Variants in PC observed in about 807,000 individuals in gnomAD.
The protein encoded by PC is pyruvate carboxylase, also known as pyruvate carboxylase, mitochondrial.
PC carries 46 observed loss-of-function variants against 107.8 expected under a neutral mutation model. The ratio of observed to expected loss-of-function variants is 0.43; its 90% CI spans 0.34 to 0.55. PC has a LOEUF of 0.55. Among genes scored for constraint, PC ranks in the 20% least tolerant of loss-of-function variants. PC has a pLI of 0.04. For synonymous variants in PC, 662 were observed against 684.7 expected, an observed-to-expected ratio of 0.97 and a Z score of 0.52; for missense variants, 1,241 against 1,643.1, an observed-to-expected ratio of 0.76 and a Z score of 4.23.
intron 3 of PC, among the ~76,000 whole-genome samples, chr11:66,908,380 C>T (rs1219107238): frequency 1.3e-5 from 2 of 152,194 alleles, no homozygotes; most frequent in Admixed American, 1.3e-4. Flanking sequence ...CTCACCAGGG[C>T]ACATGTTACC....
chr11:66,933,722 T>A (rs1320457264), intron 3 of PC, among the ~76,000 whole-genome samples: 2 of 152,040 alleles, frequency 1.3e-5, no homozygotes, highest in Non-Finnish European at 2.9e-5. Flanking sequence ...TCCACTTGCA[T>A]CATTCCGGAA....
chr11:66,861,932 G>T lies in PC; in HGVS notation c.1368+1842C>A, dbSNP rs564860751. ...ACCTCTAGCTGCACCCCTAGCAGGC[G>T]CAAGGTTCTAGGGCCCAGGGACCAG... On this transcript the variant is annotated intron_variant, in intron 12 of 22. Coordinates refer to ENST00000393960, the MANE Select transcript of PC (RefSeq NM_001040716.2). Among the ~76,000 whole-genome samples the T allele has an allele frequency of 2.0e-5, 3 of 152,150 alleles. No individual in the cohort carries two copies. The South Asian group carries it at 6.2e-4, about 31-fold the overall frequency.
rs1384720264 is a variant in PC, at chr11:66,853,089, C to G, written c.1513+150G>C. 8 of 858,396 alleles carry G rather than the reference C, an allele frequency of 9.3e-6. No homozygotes were observed. The Admixed American group carries it at 1.4e-4, about 15-fold the overall frequency. The allele number at this position is 858,396 out of a possible 1,614,324, so 53.2% of individuals were successfully genotyped here. A position where few individuals can be genotyped will look rare whatever the true frequency, so the allele number is the denominator to read the frequency against. On this transcript the variant is annotated intron_variant, in intron 13 of 22. Transcript: ENST00000393960. The stretch of plus-strand genomic sequence containing the variant: ...GAGCAGTGAATGGCAGGGTGCAGGA[C>G]AAGAGGACGCAGGGCCAGAATGAGG...
chr11:66,849,167 G>A lies in PC; in HGVS notation c.3289-20C>T, dbSNP rs756309608. 7.4e-5 allele frequency: 119 copies of A among 1,613,658 alleles called. No homozygotes were observed. The highest frequency in any genetic ancestry group is 1.6e-4 in the Middle Eastern group (1 of 6,084). Reference sequence around the variant, plus strand: ...CATCTCCTGAAGACACAGGGCAGAGGGGACATGACATCCTGGGCCCAGCCA... The same window carrying A: ...CATCTCCTGAAGACACAGGGCAGAGAGGACATGACATCCTGGGCCCAGCCA... On this transcript the variant is annotated intron_variant, in intron 22 of 22. Transcript: ENST00000393960.
intron 3 of PC, among the ~76,000 whole-genome samples, chr11:66,931,384 G>GAAAAAAAAAAAAAAAAAAAAA (rs60081578): frequency 1.2e-5 from 1 of 84,946 alleles, no homozygotes; most frequent in Non-Finnish European, 2.3e-5. Flanking sequence ...TCCATCTCAA[G>GAAAAAAAAAAAAAAAAAAAAA]AAAAAAAAAA....
Position 66,858,879 on chromosome 11 carries a change from G to A in PC, c.1368+4895C>T. 1 of 1,550,862 alleles carries A rather than the reference G, an allele frequency of 6.4e-7. No homozygotes were observed. Among genetic ancestry groups the A allele is most frequent in the Non-Finnish European group, 8.7e-7 (1 of 1,147,440 alleles). Reference sequence around the variant, plus strand: ...CTTGCCCCATGGTGGGAACAGCAGTGCCGAGGGGGGCCGCCCCGGGCCCTC... The same window carrying A: ...CTTGCCCCATGGTGGGAACAGCAGTACCGAGGGGGGCCGCCCCGGGCCCTC... On this transcript the variant is annotated intron_variant, in intron 12 of 22. Coordinates refer to ENST00000393960, the MANE Select transcript of PC (RefSeq NM_001040716.2). The surrounding 1 kb of genome is among the most constrained non-coding windows in gnomAD (Gnocchi z 5.9).
At chr11:66,904,469 C>T (rs913730555) in intron 3 of PC, among the ~76,000 whole-genome samples, 7 of 152,212 alleles carry the variant, frequency 4.6e-5, no homozygotes, top group Middle Eastern at 6.8e-3. Flanking sequence ...TGAAACTCTG[C>T]CTCTAAAAAA....
At chr11:66,918,638 G>T (rs1948520248) in intron 3 of PC, among the ~76,000 whole-genome samples, 2 of 152,042 alleles carry the variant, frequency 1.3e-5, no homozygotes, top group Admixed American at 1.3e-4. Flanking sequence ...CTCCCAAAGT[G>T]CTGGGATTAC....
chr11:66,931,508 A>G (rs1591297846), intron 3 of PC, among the ~76,000 whole-genome samples: 1 of 151,648 alleles, frequency 6.6e-6, no homozygotes, highest in Non-Finnish European at 1.5e-5. Context: ...TCATTTTACT[A>G]TTTTGTTTTA....
Position 66,926,555 on chromosome 11 carries a change from G to A in PC, c.-1+25875C>T, listed in dbSNP as rs565802357. ...CGGGGTCTAGGGACATGACCAACTA[G>A]AATTGTTTAATATATAGGCCTAATG... is the stretch of plus-strand genomic sequence containing the variant. On this transcript the variant is annotated intron_variant, in intron 3 of 22. Transcript: ENST00000393960. Among the ~76,000 whole-genome samples, 3 of 152,284 alleles carry A rather than the reference G, an allele frequency of 2.0e-5. No homozygotes were observed. The South Asian group carries it at 6.2e-4, about 32-fold the overall frequency.
intron 3 of PC, among the ~76,000 whole-genome samples, chr11:66,919,140 G>A (rs952656400): frequency 1.3e-5 from 2 of 152,210 alleles, no homozygotes; most frequent in East Asian, 1.9e-4. Context: ...TTCAAGCCAG[G>A]TGCGGTGGCT....
chr11:66,915,656 C>T (rs971201012), intron 3 of PC, among the ~76,000 whole-genome samples: 6 of 152,190 alleles, frequency 3.9e-5, no homozygotes, highest in Admixed American at 1.3e-4. Flanking sequence ...GTACCAGGGC[C>T]CTGCCCGCAG....
chr11:66,879,159 G>C (rs565181055), intron 3 of PC, among the ~76,000 whole-genome samples: 1 of 152,092 alleles, frequency 6.6e-6, no homozygotes, highest in Non-Finnish European at 1.5e-5. Flanking sequence ...CCTCCCACTC[G>C]CACCATGATG....
intron 3 of PC, among the ~76,000 whole-genome samples, chr11:66,916,320 A>G (rs1187797986): frequency 6.6e-6 from 1 of 152,172 alleles, no homozygotes; most frequent in Non-Finnish European, 1.5e-5. Flanking sequence ...TCCTGGGCGC[A>G]GGTGATCCTC....
chr11:66,894,553 G>A (rs1357090673), intron 3 of PC, among the ~76,000 whole-genome samples: 4 of 152,216 alleles, frequency 2.6e-5, no homozygotes, highest in Admixed American at 6.5e-5. Flanking sequence ...AAGCTGGAGC[G>A]CAGCTCGCGT....
At chr11:66,865,539 G>T (rs1946455988) in intron 11 of PC, among the ~76,000 whole-genome samples, 1 of 152,214 alleles carries the variant, frequency 6.6e-6, no homozygotes, top group Admixed American at 6.5e-5. Context: ...TCCCGGTGCT[G>T]AGAGGAAGAA....
chr11:66,952,724 T>A (rs1048695960), intron 2 of PC, among the ~76,000 whole-genome samples: 16 of 152,142 alleles, frequency 1.1e-4, no homozygotes, highest in African/African-American at 3.4e-4. Flanking sequence ...GTATTTTTAG[T>A]AGAGATGGGG....
chr11:66,862,465 C>G (rs1205354742), intron 12 of PC, among the ~76,000 whole-genome samples: 1 of 152,222 alleles, frequency 6.6e-6, no homozygotes, highest in Non-Finnish European at 1.5e-5. Context: ...AACTGCGCCT[C>G]GATGACAGGC....
chr11:66,917,362 C>T (rs945926850), intron 3 of PC, among the ~76,000 whole-genome samples: 7 of 152,194 alleles, frequency 4.6e-5, no homozygotes, highest in Non-Finnish European at 1.0e-4. Flanking sequence ...CTGTGAGCCA[C>T]TGTACCTGGT....
Sources: allele counts gnomAD v4.1 joint callset (sites outside exome capture counted in the v4.1 genomes callset), GRCh38; gene constraint gnomAD v4.1.1; non-coding constraint Gnocchi (gnomAD v3.1); transcripts MANE v1.5; gene names NCBI Gene and HGNC (gene_info 2026-07-23, HGNC 2026-07-21).